Variants in PAG1 observed in about 807,000 individuals in gnomAD.
PAG1 encodes phosphoprotein membrane anchor with glycosphingolipid microdomains 1.
Under a neutral mutation model 31.7 loss-of-function variants are expected in PAG1, and 23 were observed. The ratio of observed to expected loss-of-function variants is 0.73; its 90% CI spans 0.52 to 1.03. The LOEUF (loss-of-function observed/expected upper bound fraction) is 1.03. Ranked by LOEUF, PAG1 falls within the 50% of genes least tolerant of loss-of-function variation. The probability of loss-of-function intolerance (pLI) is 0.00; values close to 1 mark genes in which losing one functional copy is unlikely to be tolerated. For missense variants in PAG1, 473 were observed against 540.7 expected (o/e 0.87, Z 1.24); for synonymous variants, 214 against 210.3 (o/e 1.02, Z -0.15).
intron 8 of PAG1, among the ~76,000 whole-genome samples, chr8:80,978,176 C>T (rs905727132): frequency 3.3e-5 from 5 of 152,098 alleles, no homozygotes; most frequent in African/African-American, 1.2e-4. Flanking sequence ...TTTGGTGAGG[C>T]CTTGACAATC....
rs1057014949 is a variant in PAG1, at chr8:80,969,254, C to T, written c.*7290G>A. 6.6e-5 allele frequency: 10 copies of T among 152,064 alleles called. No homozygotes were observed. Among genetic ancestry groups the T allele is most frequent in the African/African-American group, 2.2e-4 (9 of 41,394 alleles). 9.4% of individuals were successfully genotyped at this position (152,064 alleles called of 1,614,324 possible). ...AGTAAAGTTAAAAAAAGCAAGCATG[C>T]TTAAGGGATGGGTCATGAACACCAC... is the stretch of plus-strand genomic sequence containing the variant. On this transcript the variant is annotated 3_prime_UTR_variant, in exon 9 of 9. Transcript: ENST00000220597.
chr8:81,096,325 G>A (rs1809527530), intron 1 of PAG1, among the ~76,000 whole-genome samples: 1 of 152,040 alleles, frequency 6.6e-6, no homozygotes, highest in Non-Finnish European at 1.5e-5. Flanking sequence ...CCCCCAGAAA[G>A]TCTTGAGAAG....
At chr8:81,066,484 A>C (rs1408643873) in intron 2 of PAG1, among the ~76,000 whole-genome samples, 1 of 152,150 alleles carries the variant, frequency 6.6e-6, no homozygotes, top group Admixed American at 6.5e-5. Context: ...ACTATGCCCT[A>C]GGGAAACATT....
chr8:81,105,003 C>T (rs1217591558), intron 1 of PAG1, among the ~76,000 whole-genome samples: 1 of 152,142 alleles, frequency 6.6e-6, no homozygotes, highest in Non-Finnish European at 1.5e-5. Flanking sequence ...TGTTCCACAA[C>T]CCGCCTCTCC....
At chr8:81,052,578 A>G (rs1307240996) in intron 2 of PAG1, among the ~76,000 whole-genome samples, 4 of 152,260 alleles carry the variant, frequency 2.6e-5, no homozygotes, top group Non-Finnish European at 5.9e-5. Flanking sequence ...ATATAGCTTT[A>G]AAAGTCTACA....
Position 80,975,050 on chromosome 8 carries a change from T to C in PAG1, c.*1494A>G, listed in dbSNP as rs1308000121. ...GACTACAGAATTCATCACTGTTTTC[T>C]GAAAAAATATAATTAAACCTTAATG... On this transcript the variant is annotated 3_prime_UTR_variant, in exon 9 of 9. Coordinates refer to ENST00000220597, the MANE Select transcript of PAG1 (RefSeq NM_018440.4). The C allele has an allele frequency of 6.6e-6, 1 of 152,256 alleles. No individual in the cohort carries two copies. The highest frequency in any genetic ancestry group is 1.5e-5 in the Non-Finnish European group (1 of 68,046). 9.4% of individuals were successfully genotyped at this position (152,256 alleles called of 1,614,324 possible).
At chr8:81,035,403 G>A (rs1808446582) in intron 2 of PAG1, among the ~76,000 whole-genome samples, 1 of 152,116 alleles carries the variant, frequency 6.6e-6, no homozygotes, top group Admixed American at 6.5e-5. Flanking sequence ...AACATCGCTG[G>A]AATGTGACAT....
chr8:81,035,527 T>C (rs1586179281), intron 2 of PAG1, among the ~76,000 whole-genome samples: 1 of 152,180 alleles, frequency 6.6e-6, no homozygotes, highest in East Asian at 1.9e-4. Context: ...GAGAGTATAA[T>C]TAGTGATGTG....
At chr8:81,011,784 C>A (rs1807988954) in intron 3 of PAG1, among the ~76,000 whole-genome samples, 1 of 152,196 alleles carries the variant, frequency 6.6e-6, no homozygotes, top group Non-Finnish European at 1.5e-5. Context: ...ATTCACAGTG[C>A]CAGCTACTTT....
At chr8:81,052,062 G>A (rs1038926467) in intron 2 of PAG1, among the ~76,000 whole-genome samples, 28 of 151,614 alleles carry the variant, frequency 1.8e-4, no homozygotes, top group South Asian at 2.1e-4. Flanking sequence ...CCCGGGAGGC[G>A]GAGCTTGCGG....
intron 2 of PAG1, among the ~76,000 whole-genome samples, chr8:81,052,637 C>T (rs1303548247): frequency 2.6e-5 from 4 of 152,160 alleles, no homozygotes; most frequent in African/African-American, 7.2e-5. Flanking sequence ...TAATATATTA[C>T]ATAATCATTA....
chr8:80,976,750 A>G lies in PAG1; in HGVS notation c.1093T>C (p.Phe365Leu). ...CNDLYATVKD[F>L]EKTPNSTLPP... Reference sequence around the variant, plus strand: ...AGTGTGCTGTTTGGAGTTTTTTCGAAGTCTTTAACAGTAGCATAGAGATCA... The same window carrying G: ...AGTGTGCTGTTTGGAGTTTTTTCGAGGTCTTTAACAGTAGCATAGAGATCA... Residue 365 changes from phenylalanine to leucine, a missense_variant, in exon 9 of 9, where the codon TTC becomes CTC. Transcript: ENST00000220597. 6.2e-7 allele frequency: 1 copy of G among 1,614,106 alleles called. No homozygotes were observed.
chr8:81,088,205 T>C (rs953682545), intron 1 of PAG1, among the ~76,000 whole-genome samples: 2 of 152,230 alleles, frequency 1.3e-5, no homozygotes, highest in African/African-American at 2.4e-5. Flanking sequence ...AGAAATGTAC[T>C]AGACACAAGT....
At chr8:81,038,601 G>C (rs1808501817) in intron 2 of PAG1, among the ~76,000 whole-genome samples, 1 of 152,162 alleles carries the variant, frequency 6.6e-6, no homozygotes, top group South Asian at 2.1e-4. Flanking sequence ...GGATAAAGTA[G>C]TTTGAAGTGT....
intron 3 of PAG1, among the ~76,000 whole-genome samples, chr8:81,010,243 C>T (rs1309208127): frequency 6.6e-6 from 1 of 152,128 alleles, no homozygotes; most frequent in African/African-American, 2.4e-5. Flanking sequence ...ACATGTATAT[C>T]CTTAAAGCCC....
chr8:81,004,298 T>G (rs1429145541), intron 3 of PAG1, among the ~76,000 whole-genome samples: 2 of 152,190 alleles, frequency 1.3e-5, no homozygotes, highest in African/African-American at 2.4e-5. Context: ...TTGATAAGCT[T>G]GAGGAGGTTC....
intron 4 of PAG1, among the ~76,000 whole-genome samples, chr8:80,992,490 A>G (rs1470163964): frequency 6.6e-6 from 1 of 152,164 alleles, no homozygotes; most frequent in Non-Finnish European, 1.5e-5. Flanking sequence ...CTGAAACATC[A>G]CTTCTGGTTA....
chr8:81,003,494 T>TTGAATA (rs1235369978), intron 3 of PAG1, among the ~76,000 whole-genome samples: 13 of 152,264 alleles, frequency 8.5e-5, no homozygotes, highest in African/African-American at 3.1e-4. Flanking sequence ...TTAAAGGAAC[T>TTGAATA]TGAATATAAG....
chr8:81,033,126 G>A (rs1808402744), intron 2 of PAG1, among the ~76,000 whole-genome samples: 1 of 152,116 alleles, frequency 6.6e-6, no homozygotes, highest in Non-Finnish European at 1.5e-5. Flanking sequence ...TATGGTATGT[G>A]AATTGCATCT....
Sources: gnomAD v4.1 joint callset for allele counts (sites outside exome capture counted in the v4.1 genomes callset) on GRCh38, gnomAD v4.1.1 for gene constraint, MANE v1.5 for transcripts, NCBI Gene and HGNC (gene_info 2026-07-23, HGNC 2026-07-21) for gene names.